KCNK15: variants seen among roughly 807,000 people sequenced by gnomAD.
KCNK15 encodes potassium two pore domain channel subfamily K member 15, also known as potassium channel subfamily K member 15.
KCNK15 carries 9 observed loss-of-function variants against 8.5 expected under a neutral mutation model. The ratio of observed to expected loss-of-function variants is 1.06; its 90% CI spans 0.64 to 1.85. The LOEUF (loss-of-function observed/expected upper bound fraction) is 1.85, where lower values mean the gene tolerates loss of function less well. Among genes scored for constraint, KCNK15 ranks in the 40% most tolerant of loss-of-function variants. The pLI is 0.00. For missense variants in KCNK15, 467 were observed against 476.8 expected (o/e 0.98, Z 0.19); for synonymous variants, 224 against 232.7 (o/e 0.96, Z 0.34).
rs1260649097 is a variant in KCNK15, at chr20:44,749,546, C to T, written c.284-583C>T. ...TAGCTGGAAAGTGGGGAAAGTTTTG[C>T]TTTTTTTTCATCAAGGCATAATTTA... On this transcript the variant is annotated intron_variant, in intron 1 of 1. Coordinates refer to ENST00000372861, the MANE Select transcript of KCNK15 (RefSeq NM_022358.4). Among the ~76,000 whole-genome samples the T allele has an allele frequency of 2.6e-5, 4 of 151,808 alleles. No homozygotes were observed. The South Asian group carries it at 8.3e-4, about 32-fold the overall frequency.
At position 44,746,035 on chromosome 20, in the gene KCNK15, T is replaced by A. The variant is rs746326581; in HGVS notation, c.125T>A (p.Val42Asp). 6.5e-7 allele frequency: 1 copy of A among 1,544,846 alleles called. No homozygotes were observed. Among genetic ancestry groups the A allele is most frequent in the Non-Finnish European group, 8.7e-7 (1 of 1,145,662 alleles). ...GAAAGCGGCCGCCAGCGACTGCTGGTCCAGAAGCGGGGCGCTCTCCGGAGG... is the reference window on the plus strand; with the variant it reads ...GAAAGCGGCCGCCAGCGACTGCTGGACCAGAAGCGGGGCGCTCTCCGGAGG... Reference protein sequence around the residue: ...EAESGRQRLLVQKRGALRRKF... With the variant: ...EAESGRQRLLDQKRGALRRKF... The change falls in exon 1 of 2, where the codon GTC becomes GAC. Residue 42 changes from valine to aspartate, a missense_variant. Coordinates refer to ENST00000372861, the MANE Select transcript of KCNK15 (RefSeq NM_022358.4).
At chr20:44,749,002 G>A (rs2066018021) in intron 1 of KCNK15, among the ~76,000 whole-genome samples, 1 of 152,124 alleles carries the variant, frequency 6.6e-6, no homozygotes, top group Non-Finnish European at 1.5e-5. Context: ...ATTTAACCAG[G>A]CCCCTTTGGA....
At chr20:44,748,442 C>A (rs996053177) in intron 1 of KCNK15, among the ~76,000 whole-genome samples, 1 of 152,064 alleles carries the variant, frequency 6.6e-6, no homozygotes, top group African/African-American at 2.4e-5. Context: ...TGCTGATATT[C>A]TGAATAAGTT....
Position 44,750,595 on chromosome 20 carries a change from C to A in KCNK15, c.750C>A (p.Ser250Arg), listed in dbSNP as rs747182124. The A allele has an allele frequency of 1.9e-6, 3 of 1,606,304 alleles. No homozygotes were observed. The highest frequency in any genetic ancestry group is 2.5e-6 in the Non-Finnish European group (3 of 1,179,384). The change falls in exon 2 of 2, where the codon AGC (serine) becomes AGA (arginine). Residue 250 changes from serine to arginine, a missense_variant. By Grantham distance (110) the Ser-to-Arg change is moderately radical. Around this residue, in one of 2 missense-constraint regions of KCNK15, gnomAD observed 455 missense variants for 441.2 expected, o/e 1.03. Coordinates refer to ENST00000372861, the MANE Select transcript of KCNK15 (RefSeq NM_022358.4). Reference protein sequence around the residue: ...NLVVLRFLVASADWPERAART... With the variant: ...NLVVLRFLVARADWPERAART... ...TGGTCCTGCGCTTCCTCGTTGCCAG[C>A]GCCGACTGGCCCGAGCGCGCTGCCC...
rs1257474284 is a variant in KCNK15 at position 44,750,929 on chromosome 20, G to C, written c.*91G>C. 3 of 899,728 alleles carry C rather than the reference G, an allele frequency of 3.3e-6. No homozygotes were observed. The highest frequency in any genetic ancestry group is 4.6e-6 in the Non-Finnish European group (3 of 657,170). 55.7% of individuals were successfully genotyped at this position (899,728 alleles called of 1,614,324 possible). ...TCCCCAGGGATTGGAAACGGATGAC[G>C]GGCCTCTAGGCGGTCTTCTGCCACG... On this transcript the variant is annotated 3_prime_UTR_variant, in exon 2 of 2. Transcript: ENST00000372861.
In KCNK15 at chr20:44,750,681, GC is replaced by G; in HGVS notation, c.839del (p.Pro280ArgfsTer85). On this transcript the variant is annotated frameshift_variant, in exon 2 of 2. Transcript: ENST00000372861. LOFTEE classifies it low-confidence loss of function (END_TRUNC). ...PESRGLWLPRRPARSVGSASV... is the reference protein window; with the variant it reads ...PESRGLWLPRXPARSVGSASV... ...AGCCGTGGCCTCTGGCTGCCCCGCC[GC>G]CCGGCCCGCTCCGTGGGCTCCGCCT... 1.4e-6 allele frequency: 2 copies of G among 1,480,274 alleles called. No individual in the cohort carries two copies. The highest frequency in any genetic ancestry group is 1.8e-6 in the Non-Finnish European group (2 of 1,122,724). The allele number at this position is 1,480,274 out of a possible 1,614,324, so 91.7% of individuals were successfully genotyped here.
rs2066034107 is a variant in KCNK15, at chr20:44,751,898, A to AACCC, written c.*1061_*1064dup. 6.6e-6 allele frequency: 1 copy of AACCC among 152,192 alleles called. No homozygotes were observed. Among genetic ancestry groups the AACCC allele is most frequent in the African/African-American group, 2.4e-5 (1 of 41,430 alleles). The allele number at this position is 152,192 out of a possible 1,614,324, so 9.4% of individuals were successfully genotyped here. ...CCCACTCCAACCCAAGGGCCCCAGA[A>AACCC]ACCCTCCCTCCCTAAAGGCCTGGGC... On this transcript the variant is annotated 3_prime_UTR_variant, in exon 2 of 2. Coordinates refer to ENST00000372861, the MANE Select transcript of KCNK15 (RefSeq NM_022358.4).
At chr20:44,748,349 C>A (rs536173532) in intron 1 of KCNK15, among the ~76,000 whole-genome samples, 2 of 152,252 alleles carry the variant, frequency 1.3e-5, no homozygotes, top group African/African-American at 4.8e-5. Context: ...CCCCCTTTCT[C>A]CCAAAAGTAA....
intron 1 of KCNK15, among the ~76,000 whole-genome samples, 170 bp downstream of exon 1, chr20:44,746,363 C>G (rs193052220): frequency 6.6e-6 from 1 of 152,198 alleles, no homozygotes; most frequent in Non-Finnish European, 1.5e-5. Flanking sequence ...CCCTGGTCTC[C>G]TTTGCCCCCC....
chr20:44,750,609 A>G lies in KCNK15; in HGVS notation c.764A>G (p.Glu255Gly), dbSNP rs760252999. Residue 255 changes from glutamate (E) to glycine (G), a missense_variant, in exon 2 of 2, where the codon GAG becomes GGG. By Grantham distance (98) the Glu-to-Gly change is moderately conservative. This residue lies in a region of KCNK15 where 455 missense variants were observed against 441.2 expected (regional missense o/e 1.03). Transcript: ENST00000372861. ...RFLVASADWP[E>G]RAARTPSPRP... Reference sequence around the variant, plus strand: ...CTCGTTGCCAGCGCCGACTGGCCCGAGCGCGCTGCCCGCACCCCCAGCCCG... The same window carrying G: ...CTCGTTGCCAGCGCCGACTGGCCCGGGCGCGCTGCCCGCACCCCCAGCCCG... The G allele has an allele frequency of 1.2e-6, 2 of 1,602,374 alleles. No homozygotes were observed. The highest frequency in any genetic ancestry group is 1.7e-4 in the Middle Eastern group (1 of 5,840).
chr20:44,745,916 G>A lies in KCNK15; in HGVS notation c.6G>A (p.Arg2=). The A allele has an allele frequency of 7.6e-7, 1 of 1,321,422 alleles. No homozygotes were observed. The highest frequency in any genetic ancestry group is 9.7e-7 in the Non-Finnish European group (1 of 1,032,514). 81.9% of individuals were successfully genotyped at this position (1,321,422 alleles called of 1,614,324 possible). A position where few individuals can be genotyped will look rare whatever the true frequency, so the allele number is the denominator to read the frequency against. ...GGTACCGGGGCCGGGGCGCCATGCG[G>A]AGGCCGAGCGTGCGCGCGGCCGGGC... M[R]RPSVRAAGLV... Residue 2 remains arginine, a synonymous_variant, in exon 1 of 2, where the codon CGG becomes CGA. Transcript: ENST00000372861.
intron 1 of KCNK15, among the ~76,000 whole-genome samples, chr20:44,749,794 C>A (rs185356846): frequency 6.6e-6 from 1 of 152,128 alleles, no homozygotes; most frequent in Non-Finnish European, 1.5e-5. Flanking sequence ...TTATAGGGAA[C>A]CATGCGGTCT....
rs2066032704 is a variant in KCNK15 at position 44,751,633 on chromosome 20, C to A, written c.*795C>A. On this transcript the variant is annotated 3_prime_UTR_variant, in exon 2 of 2. Transcript: ENST00000372861. ...CATCTGTAGAATGACGGGGTTCATC[C>A]AGAACCCTGCTCCCTCTTACGCATC... is the stretch of plus-strand genomic sequence containing the variant. 6.6e-6 allele frequency: 1 copy of A among 152,188 alleles called. No individual in the cohort carries two copies. The highest frequency in any genetic ancestry group is 1.9e-4 in the East Asian group (1 of 5,196). 9.4% of individuals were successfully genotyped at this position (152,188 alleles called of 1,614,324 possible).
intron 1 of KCNK15, among the ~76,000 whole-genome samples, chr20:44,749,896 G>GA (rs1384933197): frequency 2.0e-5 from 3 of 152,192 alleles, no homozygotes; most frequent in Non-Finnish European, 4.4e-5. Flanking sequence ...TTCAGTTGCT[G>GA]AAAAAAATTG....
At position 44,746,202 on chromosome 20, in the gene KCNK15, C is replaced by G. The variant is rs780567100; in HGVS notation, c.283+9C>G. ...CGTCATCACTACCATCGGTGAGCCG[C>G]CCGGAGCCTCCCTCCGCGCCCGCTC... On this transcript the variant is annotated intron_variant, in intron 1 of 1. Coordinates refer to ENST00000372861, the MANE Select transcript of KCNK15 (RefSeq NM_022358.4). 6.0e-5 allele frequency: 82 copies of G among 1,373,022 alleles called. No homozygotes were observed. The African/African-American group carries it at 1.2e-3, about 19-fold the overall frequency. The allele number at this position is 1,373,022 out of a possible 1,614,324, so 85.1% of individuals were successfully genotyped here.
Position 44,750,969 on chromosome 20 carries a change from A to G in KCNK15, c.*131A>G. On this transcript the variant is annotated 3_prime_UTR_variant, in exon 2 of 2. Transcript: ENST00000372861. ...CTTCTGCCACGAGCAGTTTCTCATT[A>G]CTGTCTGTGGCTAAGTCCCCTCCCT... The G allele has an allele frequency of 1.7e-6, 1 of 584,196 alleles. No individual in the cohort carries two copies. Among genetic ancestry groups the G allele is most frequent in the Non-Finnish European group, 2.7e-6 (1 of 371,324 alleles). 36.2% of individuals were successfully genotyped at this position (584,196 alleles called of 1,614,324 possible).
intron 1 of KCNK15, among the ~76,000 whole-genome samples, 179 bp downstream of exon 1, chr20:44,746,372 C>A (rs751623876): frequency 2.0e-5 from 3 of 152,236 alleles, no homozygotes; most frequent in Non-Finnish European, 4.4e-5. Flanking sequence ...CCTTTGCCCC[C>A]CTCTGCTGAA....
In KCNK15 at chr20:44,750,854, C is replaced by T; in HGVS notation, c.*16C>T. The T allele has an allele frequency of 7.3e-7, 1 of 1,377,866 alleles. No individual in the cohort carries two copies. Among genetic ancestry groups the T allele is most frequent in the Non-Finnish European group, 9.4e-7 (1 of 1,064,030 alleles). The allele number at this position is 1,377,866 out of a possible 1,614,324, so 85.4% of individuals were successfully genotyped here. A position where few individuals can be genotyped will look rare whatever the true frequency, so the allele number is the denominator to read the frequency against. On this transcript the variant is annotated 3_prime_UTR_variant, in exon 2 of 2. Transcript: ENST00000372861. ...GTCCATCTGACAACCCCACCCAGGC[C>T]AGGGTCGAATCTGGAATGGGAGGGT...
intron 1 of KCNK15, 129 bp downstream of exon 1, chr20:44,746,322 G>T (rs1268272700): frequency 3.8e-5 from 31 of 822,508 alleles, no homozygotes; most frequent in Non-Finnish European, 5.0e-5. Flanking sequence ...GGCTCACCGA[G>T]CCTCCCTCAT....
Sources: gnomAD v4.1 joint callset for allele counts (sites outside exome capture counted in the v4.1 genomes callset) on GRCh38, gnomAD v4.1.1 for gene constraint, gnomAD v4.1.1 regional missense constraint, MANE v1.5 for transcripts, NCBI Gene and HGNC (gene_info 2026-07-23, HGNC 2026-07-21) for gene names.